NPC1: variants seen among roughly 807,000 people sequenced by gnomAD.
The protein encoded by NPC1 is NPC intracellular cholesterol transporter 1.
Under a neutral mutation model 140.4 loss-of-function variants are expected in NPC1, and 85 were observed. That is an observed-to-expected ratio of 0.61 (90% CI 0.51 to 0.72). The LOEUF is 0.72. Among genes scored for constraint, NPC1 ranks in the 30% least tolerant of loss-of-function variants. The pLI, the probability that NPC1 is intolerant of heterozygous loss-of-function variation, is 0.00. For synonymous variants in NPC1, 656 were observed against 624.8 expected, an observed-to-expected ratio of 1.05 and a Z score of -0.74; for missense variants, 1,504 against 1,623.8, an observed-to-expected ratio of 0.93 and a Z score of 1.27.
intron 1 of NPC1, among the ~76,000 whole-genome samples, chr18:23,575,650 C>T (rs936011742): frequency 4.0e-5 from 6 of 151,556 alleles, no homozygotes; most frequent in East Asian, 1.9e-4. Flanking sequence ...CTTGAGACCT[C>T]GGCAAAGAGG....
intron 1 of NPC1, among the ~76,000 whole-genome samples, chr18:23,574,018 AAAC>A (rs1234387628): frequency 2.6e-5 from 4 of 152,234 alleles, no homozygotes; most frequent in African/African-American, 9.6e-5. Context: ...ATGAAGAACA[AAAC>A]AACAAAACCA....
intron 3 of NPC1, chr18:23,515,936 C>T (rs749319085): frequency 3.7e-6 from 6 of 1,614,148 alleles, no homozygotes; most frequent in Middle Eastern, 1.6e-4. Flanking sequence ...GCCCCGAGAG[C>T]GCCGTGATCT....
chr18:23,556,699 T>C, intron 7 of NPC1, 86 bp from the exon 8 acceptor site: 1 of 1,569,514 alleles, frequency 6.4e-7, no homozygotes, highest in East Asian at 2.4e-5. Context: ...TTAGTTGCTA[T>C]CTCATGGCAG....
chr18:23,560,470 G>A lies in NPC1; in HGVS notation c.642C>T (p.Val214=). ...TITPVFSDFP[V]HGMEPMNNAT... ...CATTGTTCATGGGCTCCATCCCATG[G>A]ACTGGAAAATCTACAGAAAGGAATT... The change falls in exon 6 of 25, where the codon GTC becomes GTT. Residue 214 remains valine, a synonymous_variant. Transcript: ENST00000269228. 6.2e-7 allele frequency: 1 copy of A among 1,613,994 alleles called. No homozygotes were observed. Among genetic ancestry groups the A allele is most frequent in the Non-Finnish European group, 8.5e-7 (1 of 1,179,976 alleles).
intron 20 of NPC1, among the ~76,000 whole-genome samples, chr18:23,537,524 C>T (rs1235572242): frequency 6.6e-6 from 1 of 152,208 alleles, no homozygotes; most frequent in East Asian, 1.9e-4. Context: ...GGAACAACCT[C>T]AGCCCTGCCA....
rs192963719 is a variant in NPC1 at position 23,561,443 on chromosome 18, G to A, written c.548C>T (p.Ala183Val). ...TTCAATCCAGTTGGTGGCATTACAG[G>A]CGTCAGCGTCCTTCCCACACAGGAG... Reference protein sequence around the residue: ...LGLLCGKDADACNATNWIEYM... With the variant: ...LGLLCGKDADVCNATNWIEYM... Residue 183 changes from alanine to valine, a missense_variant, in exon 5 of 25, where the codon GCC (alanine) becomes GTC (valine). Ala to Val is a moderately conservative substitution (Grantham distance 64). Transcript: ENST00000269228. 1.2e-6 allele frequency: 2 copies of A among 1,614,128 alleles called. No individual in the cohort carries two copies. The highest frequency in any genetic ancestry group is 4.5e-5 in the East Asian group (2 of 44,890).
At chr18:23,530,069 C>T, downstream of NPC1, 2 of 1,614,254 alleles carry the variant, frequency 1.2e-6, no homozygotes, top group Non-Finnish European at 1.7e-6. Flanking sequence ...TTGTCCAGCA[C>T]AACCTCTTTT....
chr18:23,566,247 A>T (rs1468277812), intron 4 of NPC1, among the ~76,000 whole-genome samples: 1 of 152,126 alleles, frequency 6.6e-6, no homozygotes, highest in East Asian at 1.9e-4. Context: ...TTTGTTTTTA[A>T]TTAGCTAGGT....
At chr18:23,533,557 A>C in intron 23 of NPC1, 40 bp from the exon 24 acceptor site, 1 of 1,589,984 alleles carries the variant, frequency 6.3e-7, no homozygotes, top group Non-Finnish European at 8.6e-7. Context: ...ACTTTTACCA[A>C]CCTGTAATTG....
At chr18:23,538,260 G>A (rs1017498632) in intron 20 of NPC1, among the ~76,000 whole-genome samples, 7 of 152,230 alleles carry the variant, frequency 4.6e-5, no homozygotes, top group African/African-American at 1.4e-4. Context: ...AGCCCCGCTT[G>A]GAATGTGCAC....
In NPC1 at chr18:23,536,743, G is replaced by A. The variant is rs786204455; in HGVS notation, c.3175C>T (p.Arg1059Ter). Residue 1059 changes from arginine to a stop codon, truncating the protein, a stop_gained, in exon 21 of 25, where the codon CGA becomes TGA. Coordinates refer to ENST00000269228, the MANE Select transcript of NPC1 (RefSeq NM_000271.5). LOFTEE classifies it high-confidence loss of function. ...TCGGTGACATTACTGGCTATAAGTC[G>A]GGCTTTCTTCAGAGCGTCAATAAAG... ...ADFIDALKKA[R>*]LIASNVTETM... is the part of the protein sequence containing the mutation. The A allele has an allele frequency of 3.7e-6, 6 of 1,614,018 alleles. No individual in the cohort carries two copies. Among genetic ancestry groups the A allele is most frequent in the Non-Finnish European group, 3.4e-6 (4 of 1,180,032 alleles).
downstream of NPC1, chr18:23,526,567 G>A (rs1049375069): frequency 1.0e-4 from 158 of 1,573,914 alleles, no homozygotes; most frequent in Non-Finnish European, 1.3e-4. Context: ...CAGATGTTTA[G>A]GGGAACCACT....
intron 14 of NPC1, among the ~76,000 whole-genome samples, chr18:23,542,688 A>G (rs2058728785): frequency 6.6e-6 from 1 of 152,208 alleles, no homozygotes; most frequent in African/African-American, 2.4e-5. Flanking sequence ...CTGCTTCCCC[A>G]ATGAGTTGTG....
At position 23,533,321 on chromosome 18, in the gene NPC1, T is replaced by C. The variant is rs2510344; in HGVS notation, c.3754+34A>G. On this transcript the variant is annotated intron_variant, in intron 24 of 24. Coordinates refer to ENST00000269228, the MANE Select transcript of NPC1 (RefSeq NM_000271.5). ...GAATTCCCTTTCAGTAATGTCCTTC[T>C]ATTGTGCCACCCTTTTAAGATGAGA... The C allele has an allele frequency of 0.49, 783,736 of 1,594,024 alleles. 195,399 individuals carry two copies. Among genetic ancestry groups the C allele is most frequent in the East Asian group, 0.65 (29,229 of 44,772 alleles).
intron 14 of NPC1, 25 bp downstream of exon 14, chr18:23,543,430 C>T (rs768891158): frequency 1.5e-6 from 2 of 1,316,140 alleles, no homozygotes; most frequent in African/African-American, 1.4e-5. Context: ...GACTACAGGA[C>T]TGGTAGGATT....
intron 1 of NPC1, among the ~76,000 whole-genome samples, chr18:23,580,017 T>C (rs768528237): frequency 3.3e-5 from 5 of 152,248 alleles, no homozygotes; most frequent in Non-Finnish European, 7.3e-5. Context: ...TCTATTCCAC[T>C]GCCTTTAGGA....
In NPC1 at chr18:23,586,427, T is replaced by C; in HGVS notation, c.-84A>G. The C allele has an allele frequency of 2.6e-6, 4 of 1,521,484 alleles. No homozygotes were observed. The highest frequency in any genetic ancestry group is 3.5e-6 in the Non-Finnish European group (4 of 1,140,620). The allele number at this position is 1,521,484 out of a possible 1,614,324, so 94.2% of individuals were successfully genotyped here. ...GGCGGCTCTACTTCCCCGGGCTGTT[T>C]CAGCACCCCGCGCAGGAGGAGCGGA... is the stretch of plus-strand genomic sequence containing the variant. On this transcript the variant is annotated 5_prime_UTR_variant, in exon 1 of 25. Transcript: ENST00000269228.
chr18:23,560,471 ACTGGAAAATCT>A lies in NPC1; in HGVS notation c.632-2_640del. 1 of 1,614,094 alleles carries A rather than the reference ACTGGAAAATCT, an allele frequency of 6.2e-7. No homozygotes were observed. The highest frequency in any genetic ancestry group is 8.5e-7 in the Non-Finnish European group (1 of 1,180,028). On this transcript the variant is annotated splice_acceptor_variant and coding_sequence_variant, in exon 6 of 25. Coordinates refer to ENST00000269228, the MANE Select transcript of NPC1 (RefSeq NM_000271.5). LOFTEE classifies it high-confidence loss of function. ...ATTGTTCATGGGCTCCATCCCATGG[ACTGGAAAATCT>A]ACAGAAAGGAATTGTGTTGAGTACA... is the stretch of plus-strand genomic sequence containing the variant.
rs1140458 is a variant in NPC1, at chr18:23,539,813, G to A, written c.2793C>T (p.Asn931=). 0.49 allele frequency: 783,703 copies of A among 1,613,394 alleles called. 193,282 individuals are homozygous for A. The highest frequency in any genetic ancestry group is 0.65 in the East Asian group (29,278 of 44,872). ...GTACAAGACAAGGTGGTACTGACTA[G>A]TTGTCCAGCTGCGCCGCGTTAAATA... ...QQIFNAAQLD[N]YTRIGFAPSS... The change falls in exon 18 of 25, where the codon AAC becomes AAT. Residue 931 remains asparagine, a splice_region_variant and synonymous_variant. Transcript: ENST00000269228.
Sources: gnomAD v4.1 joint callset for allele counts (sites outside exome capture counted in the v4.1 genomes callset) on GRCh38, gnomAD v4.1.1 for gene constraint, MANE v1.5 for transcripts, NCBI Gene and HGNC (gene_info 2026-07-23, HGNC 2026-07-21) for gene names.